The following CACNG3 variants were observed in gnomAD, a reference collection of about 807,000 sequenced individuals.
The protein encoded by CACNG3 is voltage-dependent calcium channel gamma-3 subunit.
In CACNG3, 3 loss-of-function variants were observed where a neutral mutation model predicts 28.5. The ratio of observed to expected loss-of-function variants is 0.11; its 90% CI spans 0.05 to 0.27. CACNG3 has a LOEUF of 0.27. CACNG3 is among the 10% of genes least tolerant of loss of function. CACNG3 has a pLI of 1.00. For synonymous variants in CACNG3, 174 were observed against 162.2 expected, an observed-to-expected ratio of 1.07 and a Z score of -0.55; for missense variants, 236 against 414.4, an observed-to-expected ratio of 0.57 and a Z score of 3.74.
intron 1 of CACNG3, among the ~76,000 whole-genome samples, chr16:24,338,522 T>G (rs1341927112): frequency 6.6e-6 from 1 of 152,094 alleles, no homozygotes; most frequent in Non-Finnish European, 1.5e-5. Context: ...TTTTGTATTT[T>G]TTAGTAGAGA....
chr16:24,338,168 T>C (rs1324776055), intron 1 of CACNG3, among the ~76,000 whole-genome samples: 1 of 152,158 alleles, frequency 6.6e-6, no homozygotes, highest in African/African-American at 2.4e-5. Context: ...CATTTCCTTC[T>C]ACCTGGAAAG....
At chr16:24,310,530 C>T (rs1899247125) in intron 1 of CACNG3, among the ~76,000 whole-genome samples, 1 of 152,000 alleles carries the variant, frequency 6.6e-6, no homozygotes, top group Non-Finnish European at 1.5e-5. Context: ...CACCACTGCA[C>T]TCCAGCCTGG....
At chr16:24,311,828 C>T (rs1054874012) in intron 1 of CACNG3, among the ~76,000 whole-genome samples, 5 of 151,930 alleles carry the variant, frequency 3.3e-5, no homozygotes, top group East Asian at 1.9e-4. Context: ...CCAGCCTGGG[C>T]GACAGAGCAA....
At chr16:24,262,231 C>T (rs1243774792) in intron 1 of CACNG3, among the ~76,000 whole-genome samples, 4 of 152,154 alleles carry the variant, frequency 2.6e-5, no homozygotes, top group Admixed American at 6.5e-5. Flanking sequence ...TTCCCTACTC[C>T]TGACCTTCTC....
At chr16:24,305,181 GA>G (rs1899168371) in intron 1 of CACNG3, among the ~76,000 whole-genome samples, 1 of 152,112 alleles carries the variant, frequency 6.6e-6, no homozygotes, top group African/African-American at 2.4e-5. Context: ...GGGGGATGTT[GA>G]TAATAGGAGA....
intron 1 of CACNG3, among the ~76,000 whole-genome samples, chr16:24,280,329 G>A (rs1898808888): frequency 6.6e-6 from 1 of 152,160 alleles, no homozygotes; most frequent in African/African-American, 2.4e-5. Flanking sequence ...TTCCATTCCA[G>A]CCCTGGGGCT....
chr16:24,321,950 G>A (rs1460602034), intron 1 of CACNG3, among the ~76,000 whole-genome samples: 1 of 152,112 alleles, frequency 6.6e-6, no homozygotes. Context: ...TGTACTATTC[G>A]CAGTTTCAGA....
At chr16:24,301,399 T>A (rs1185066250) in intron 1 of CACNG3, among the ~76,000 whole-genome samples, 5 of 151,986 alleles carry the variant, frequency 3.3e-5, no homozygotes, top group Non-Finnish European at 7.4e-5. Context: ...TCTGTGGAGG[T>A]TGAAGAATTA....
rs1596655842 is a variant in CACNG3, at chr16:24,362,097, T to C, written c.*234T>C. The C allele has an allele frequency of 2.3e-6, 1 of 432,066 alleles. No individual in the cohort carries two copies. Among genetic ancestry groups the C allele is most frequent in the Non-Finnish European group, 4.1e-6 (1 of 245,558 alleles). 26.8% of individuals were successfully genotyped at this position (432,066 alleles called of 1,614,324 possible). ...TGTCATTCCTCTCTCTGTGTATCTG[T>C]GCCAGATGTTTTCCTTTCTTCCTTC... On this transcript the variant is annotated 3_prime_UTR_variant, in exon 4 of 4. Coordinates refer to ENST00000005284, the MANE Select transcript of CACNG3 (RefSeq NM_006539.4).
intron 1 of CACNG3, among the ~76,000 whole-genome samples, chr16:24,263,291 A>G (rs554142104): frequency 6.6e-6 from 1 of 152,312 alleles, no homozygotes; most frequent in South Asian, 2.1e-4. Flanking sequence ...AAAATAGAAC[A>G]TCCTCCTTTG....
At chr16:24,289,492 A>G (rs1898938158) in intron 1 of CACNG3, among the ~76,000 whole-genome samples, 1 of 152,178 alleles carries the variant, frequency 6.6e-6, no homozygotes, top group Admixed American at 6.5e-5. Flanking sequence ...AGCAGGTTCA[A>G]TTTGACAGGA....
At chr16:24,340,660 A>G (rs1327596598) in intron 1 of CACNG3, among the ~76,000 whole-genome samples, 3 of 152,178 alleles carry the variant, frequency 2.0e-5, no homozygotes, top group Admixed American at 1.3e-4. Context: ...TATTAGTACA[A>G]TCTTCTCTCC....
intron 1 of CACNG3, among the ~76,000 whole-genome samples, chr16:24,300,900 T>G (rs1899100362): frequency 6.6e-6 from 1 of 151,928 alleles, no homozygotes; most frequent in Non-Finnish European, 1.5e-5. Flanking sequence ...AATACAAAAA[T>G]TAGCCGGATG....
intron 2 of CACNG3, among the ~76,000 whole-genome samples, chr16:24,348,022 C>A (rs1223347927): frequency 1.3e-5 from 2 of 152,140 alleles, no homozygotes; most frequent in Non-Finnish European, 2.9e-5. Context: ...CAGAGATGAG[C>A]CTTCCATTGG....
intron 1 of CACNG3, among the ~76,000 whole-genome samples, chr16:24,281,280 C>T (rs1450750401): frequency 6.6e-6 from 1 of 152,248 alleles, no homozygotes; most frequent in African/African-American, 2.4e-5. Context: ...GCTGTAATCT[C>T]GACCTCCTGA....
At chr16:24,318,801 C>G (rs557395009) in intron 1 of CACNG3, among the ~76,000 whole-genome samples, 1 of 152,150 alleles carries the variant, frequency 6.6e-6, no homozygotes, top group Non-Finnish European at 1.5e-5. Flanking sequence ...GTGCTACCTA[C>G]CTCAGGTTGA....
chr16:24,265,929 T>G (rs1037417349), intron 1 of CACNG3, among the ~76,000 whole-genome samples: 2 of 152,206 alleles, frequency 1.3e-5, no homozygotes, highest in African/African-American at 4.8e-5. Context: ...TGTAGAGACA[T>G]GTAGGAATCT....
At chr16:24,316,501 G>C (rs527508651) in intron 1 of CACNG3, among the ~76,000 whole-genome samples, 8 of 152,138 alleles carry the variant, frequency 5.3e-5, no homozygotes, top group Admixed American at 4.6e-4. Context: ...GGAAGGACAT[G>C]GCCTGCTTTT....
chr16:24,321,822 C>G (rs185104021), intron 1 of CACNG3, among the ~76,000 whole-genome samples: 20 of 152,294 alleles, frequency 1.3e-4, no homozygotes, highest in Admixed American at 9.8e-4. Flanking sequence ...TGATGATATA[C>G]TGCTATAATT....
Sources: gnomAD v4.1 joint callset for allele counts (sites outside exome capture counted in the v4.1 genomes callset) on GRCh38, gnomAD v4.1.1 for gene constraint, MANE v1.5 for transcripts, NCBI Gene and HGNC (gene_info 2026-07-23, HGNC 2026-07-21) for gene names.